DCLK1: variants seen among roughly 807,000 people sequenced by gnomAD.
The protein encoded by DCLK1 is serine/threonine-protein kinase DCLK1.
A neutral mutation model predicts 86.2 loss-of-function variants in DCLK1; 16 were observed. That is an observed-to-expected ratio of 0.19 (90% confidence interval 0.13 to 0.28). DCLK1 has a LOEUF of 0.28. Among genes scored for constraint, DCLK1 ranks in the 10% least tolerant of loss-of-function variants. The pLI is 1.00. For missense variants in DCLK1, 590 were observed against 940.2 expected (o/e 0.63, Z 4.87); for synonymous variants, 369 against 370.5 (o/e 1.00, Z 0.05).
intron 6 of DCLK1, chr13:35,847,982 A>G: frequency 2.0e-6 from 2 of 985,292 alleles, no homozygotes; most frequent in Non-Finnish European, 1.2e-6. Context: ...CATACTTTAT[A>G]TATTTTTAAC....
intron 3 of DCLK1, among the ~76,000 whole-genome samples, chr13:35,953,470 G>A (rs1457055074): frequency 6.6e-6 from 1 of 152,058 alleles, no homozygotes; most frequent in Non-Finnish European, 1.5e-5. Flanking sequence ...AAGGAAGTTC[G>A]AATTATTCCT....
chr13:35,885,264 A>G (rs115463384), intron 4 of DCLK1, among the ~76,000 whole-genome samples: 2,289 of 152,278 alleles, frequency 0.015, 50 homozygotes, highest in African/African-American at 0.051. Flanking sequence ...TTATTTCTCC[A>G]ATCAAAATCA....
intron 3 of DCLK1, among the ~76,000 whole-genome samples, chr13:35,965,444 G>A (rs1447421939): frequency 6.6e-6 from 1 of 152,160 alleles, no homozygotes; most frequent in African/African-American, 2.4e-5. Context: ...AATTCCATCT[G>A]ATAGTGCCAT....
At chr13:36,068,186 G>T (rs1450250068) in intron 3 of DCLK1, among the ~76,000 whole-genome samples, 1 of 152,164 alleles carries the variant, frequency 6.6e-6, no homozygotes, top group East Asian at 1.9e-4. Flanking sequence ...AGCCTGTAAA[G>T]TCATTCTGTT....
intron 4 of DCLK1, among the ~76,000 whole-genome samples, chr13:35,918,916 G>A (rs1175395193): frequency 7.5e-4 from 3 of 4,016 alleles, no homozygotes; most frequent in South Asian, 8.5e-3. Context: ...TTTTGGAAAC[G>A]GAGTCTCACT....
At chr13:35,836,425 T>A (rs182253065) in intron 7 of DCLK1, among the ~76,000 whole-genome samples, 1 of 152,316 alleles carries the variant, frequency 6.6e-6, no homozygotes, top group Non-Finnish European at 1.5e-5. Flanking sequence ...AGGAGGAAGC[T>A]TTGCTCCTTT....
At chr13:36,097,230 C>A (rs1885049488) in intron 3 of DCLK1, among the ~76,000 whole-genome samples, 1 of 152,182 alleles carries the variant, frequency 6.6e-6, no homozygotes, top group Non-Finnish European at 1.5e-5. Flanking sequence ...GGTGGGAGCC[C>A]AGATTGACTG....
intron 4 of DCLK1, among the ~76,000 whole-genome samples, chr13:35,890,694 CTG>C (rs762250301): frequency 1.3e-4 from 20 of 152,152 alleles, no homozygotes; most frequent in Non-Finnish European, 2.4e-4. Flanking sequence ...TGGTATGAGA[CTG>C]AGCTTCTCCA....
chr13:35,777,372 T>C (rs2086441026), intron 16 of DCLK1, among the ~76,000 whole-genome samples: 1 of 152,220 alleles, frequency 6.6e-6, no homozygotes, highest in African/African-American at 2.4e-5. Flanking sequence ...GACTTGCCCA[T>C]GTGCATTGCT....
At chr13:36,036,646 T>C (rs545903658) in intron 3 of DCLK1, among the ~76,000 whole-genome samples, 2 of 148,260 alleles carry the variant, frequency 1.3e-5, no homozygotes, top group African/African-American at 5.3e-5. Context: ...GTATATATGA[T>C]ATATATAACA....
At chr13:36,057,957 T>TG (rs1005676379) in intron 3 of DCLK1, among the ~76,000 whole-genome samples, 3 of 152,088 alleles carry the variant, frequency 2.0e-5, no homozygotes, top group Non-Finnish European at 4.4e-5. Flanking sequence ...TTATATATTT[T>TG]GGGGGGGATA....
intron 13 of DCLK1, 165 bp from the exon 14 acceptor site, chr13:35,808,485 T>G (rs1165699810): frequency 2.9e-6 from 2 of 695,034 alleles, no homozygotes; most frequent in Non-Finnish European, 4.8e-6. Context: ...TTTGGTAAAT[T>G]AAGAAAGAGT....
intron 15 of DCLK1, 77 bp downstream of exon 15, chr13:35,805,622 A>G (rs532684534): frequency 1.9e-5 from 27 of 1,425,630 alleles, no homozygotes; most frequent in Middle Eastern, 1.8e-4. Context: ...AAAGGAGGCA[A>G]TAACATTAGA....
At chr13:35,800,034 C>T (rs924584092) in intron 15 of DCLK1, among the ~76,000 whole-genome samples, 3 of 152,308 alleles carry the variant, frequency 2.0e-5, no homozygotes, top group African/African-American at 7.2e-5. Flanking sequence ...AGTAACAGAG[C>T]TGGTGATACA....
chr13:35,926,702 C>T (rs1236319473), intron 4 of DCLK1, among the ~76,000 whole-genome samples: 1 of 152,322 alleles, frequency 6.6e-6, no homozygotes, highest in African/African-American at 2.4e-5. Context: ...CATTATATTA[C>T]AGCCTTGCAA....
intron 4 of DCLK1, among the ~76,000 whole-genome samples, chr13:35,898,698 G>C (rs148677108): frequency 2.6e-5 from 4 of 152,206 alleles, no homozygotes; most frequent in African/African-American, 9.6e-5. Context: ...TCACAGTCTG[G>C]TTACAACTTT....
At chr13:35,902,458 C>G (rs1009321373) in intron 4 of DCLK1, among the ~76,000 whole-genome samples, 1 of 152,168 alleles carries the variant, frequency 6.6e-6, no homozygotes, top group Non-Finnish European at 1.5e-5. Context: ...AGCATGCTCT[C>G]TCTCCAAGAT....
At chr13:36,121,007 T>C (rs1202901382) in intron 2 of DCLK1, among the ~76,000 whole-genome samples, 1 of 152,198 alleles carries the variant, frequency 6.6e-6, no homozygotes, top group Non-Finnish European at 1.5e-5. Context: ...ATATTACTTC[T>C]AGGAATTTAT....
chr13:35,822,330 A>T (rs1049831109), intron 11 of DCLK1, among the ~76,000 whole-genome samples: 40 of 151,434 alleles, frequency 2.6e-4, no homozygotes, highest in African/African-American at 7.3e-4. Context: ...ATTAAAAAAA[A>T]TTTTTTTTGT....
Sources: gnomAD v4.1 joint callset for allele counts (sites outside exome capture counted in the v4.1 genomes callset) on GRCh38, gnomAD v4.1.1 for gene constraint, MANE v1.5 for transcripts, NCBI Gene and HGNC (gene_info 2026-07-23, HGNC 2026-07-21) for gene names.